Variants in ALOX5AP observed in about 807,000 individuals in gnomAD.
ALOX5AP encodes arachidonate 5-lipoxygenase-activating protein.
In ALOX5AP, 9 loss-of-function variants were observed where a neutral mutation model predicts 18.5. That is an observed-to-expected ratio of 0.49 (90% confidence interval 0.29 to 0.85). ALOX5AP has a LOEUF of 0.85. Among genes scored for constraint, ALOX5AP ranks in the 40% least tolerant of loss-of-function variants. The pLI is 0.08. For missense variants in ALOX5AP, 172 were observed against 202.5 expected, an observed-to-expected ratio of 0.85 and a Z score of 0.91; for synonymous variants, 81 against 78.6, an observed-to-expected ratio of 1.03 and a Z score of -0.16.
At chr13:30,747,981 G>A (rs1213044432) in intron 2 of ALOX5AP, among the ~76,000 whole-genome samples, 2 of 152,010 alleles carry the variant, frequency 1.3e-5, no homozygotes, top group Non-Finnish European at 2.9e-5. Context: ...GTGCAGTGGT[G>A]CAATCTTGGC....
intron 4 of ALOX5AP, among the ~76,000 whole-genome samples, chr13:30,759,294 T>C (rs4769058): frequency 0.078 from 11,933 of 152,234 alleles, 730 homozygotes; most frequent in African/African-American, 0.17. Flanking sequence ...TTGGGGCTCC[T>C]ACTGATCCTC....
At chr13:30,716,616 T>C (rs1951552538) in intron 1 of ALOX5AP, among the ~76,000 whole-genome samples, 1 of 152,234 alleles carries the variant, frequency 6.6e-6, no homozygotes, top group Non-Finnish European at 1.5e-5. Flanking sequence ...CCCCCTGCAA[T>C]GAGCCATCCT....
intron 4 of ALOX5AP, among the ~76,000 whole-genome samples, chr13:30,761,509 T>C (rs1951940930): frequency 6.6e-6 from 1 of 152,232 alleles, no homozygotes; most frequent in South Asian, 2.1e-4. Flanking sequence ...GGCTAAAAAA[T>C]ATCCCTTACT....
chr13:30,725,747 A>G (rs1209047083), intron 1 of ALOX5AP, among the ~76,000 whole-genome samples: 1 of 152,192 alleles, frequency 6.6e-6, no homozygotes, highest in Non-Finnish European at 1.5e-5. Context: ...ATTTGTTATA[A>G]AATTTCAACC....
chr13:30,753,811 T>C (rs1352772197), intron 3 of ALOX5AP, among the ~76,000 whole-genome samples: 1 of 152,194 alleles, frequency 6.6e-6, no homozygotes, highest in South Asian at 2.1e-4. Flanking sequence ...ATAATCTCTG[T>C]TAGCTCATGT....
At chr13:30,742,373 T>C (rs1490472767) in intron 1 of ALOX5AP, 1 of 151,074 alleles carries the variant, frequency 6.6e-6, no homozygotes, top group Non-Finnish European at 1.5e-5. Flanking sequence ...AGCTTCACGG[T>C]GACAGCAAGA....
At chr13:30,750,674 C>T (rs1370700614) in intron 2 of ALOX5AP, among the ~76,000 whole-genome samples, 5 of 152,210 alleles carry the variant, frequency 3.3e-5, no homozygotes, top group Non-Finnish European at 7.3e-5. Context: ...TGCCCACATC[C>T]TAATCCTAGG....
Position 30,764,162 on chromosome 13 carries a change from A to G in ALOX5AP, c.*56A>G. ...ATCTAATCAATACCTACAAGTCATCATAATTCAGCTCTTGAGAGCATTCTG... is the reference window on the plus strand; with the variant it reads ...ATCTAATCAATACCTACAAGTCATCGTAATTCAGCTCTTGAGAGCATTCTG... On this transcript the variant is annotated 3_prime_UTR_variant, in exon 5 of 5. Coordinates refer to ENST00000380490, the MANE Select transcript of ALOX5AP (RefSeq NM_001629.4). 6.5e-7 allele frequency: 1 copy of G among 1,549,214 alleles called. No homozygotes were observed. The highest frequency in any genetic ancestry group is 1.2e-5 in the South Asian group (1 of 83,452).
chr13:30,755,626 A>G (rs1278518687), intron 3 of ALOX5AP, among the ~76,000 whole-genome samples: 2 of 152,234 alleles, frequency 1.3e-5, no homozygotes, highest in Non-Finnish European at 2.9e-5. Flanking sequence ...AGCTAAAGAA[A>G]AAACGTTGCA....
At chr13:30,741,909 T>C (rs1366506999) in intron 1 of ALOX5AP, among the ~76,000 whole-genome samples, 2 of 149,356 alleles carry the variant, frequency 1.3e-5, no homozygotes, top group Admixed American at 6.7e-5. Context: ...ATATAGAAGG[T>C]TGATTATGCG....
chr13:30,742,144 C>A (rs949454062), intron 1 of ALOX5AP, among the ~76,000 whole-genome samples: 3 of 151,920 alleles, frequency 2.0e-5, no homozygotes, highest in Non-Finnish European at 2.9e-5. Context: ...GGTGAAACCC[C>A]AACTCTACTA....
intron 4 of ALOX5AP, among the ~76,000 whole-genome samples, chr13:30,762,742 T>C (rs1242916325): frequency 6.6e-6 from 1 of 152,206 alleles, no homozygotes; most frequent in Non-Finnish European, 1.5e-5. Flanking sequence ...AGTACGAAGT[T>C]AGCTGTTGGG....
intron 1 of ALOX5AP, among the ~76,000 whole-genome samples, chr13:30,729,975 G>A (rs1951668513): frequency 6.6e-6 from 1 of 152,206 alleles, no homozygotes; most frequent in Admixed American, 6.5e-5. Flanking sequence ...TATACTGTGT[G>A]GTGTGAGTTT....
At chr13:30,739,695 A>G (rs1951747651) in intron 1 of ALOX5AP, among the ~76,000 whole-genome samples, 1 of 152,202 alleles carries the variant, frequency 6.6e-6, no homozygotes, top group South Asian at 2.1e-4. Flanking sequence ...TCGACCTCCC[A>G]AAGTGCTGGG....
chr13:30,752,003 C>T (rs750930358), intron 2 of ALOX5AP, 49 bp from the exon 3 acceptor site: 4 of 1,532,226 alleles, frequency 2.6e-6, no homozygotes, highest in Non-Finnish European at 3.6e-6. Flanking sequence ...GACCACATTG[C>T]ACTAACTTGG....
chr13:30,745,329 G>A (rs1002145010), intron 2 of ALOX5AP, among the ~76,000 whole-genome samples: 4 of 152,110 alleles, frequency 2.6e-5, no homozygotes, highest in East Asian at 1.9e-4. Context: ...CTCCGAAATC[G>A]CTGGGCCACT....
At chr13:30,736,103 T>C (rs1951718925) in intron 1 of ALOX5AP, among the ~76,000 whole-genome samples, 1 of 152,268 alleles carries the variant, frequency 6.6e-6, no homozygotes, top group Non-Finnish European at 1.5e-5. Context: ...ACCAGTCATC[T>C]GCAGTCTAAA....
At chr13:30,744,290 G>A in intron 2 of ALOX5AP, 131 bp downstream of exon 2, 1 of 758,326 alleles carries the variant, frequency 1.3e-6, no homozygotes, top group Non-Finnish European at 2.2e-6. Flanking sequence ...AGGTGAGGAA[G>A]GTTGGACTTC....
chr13:30,731,851 A>C (rs1951684029), upstream of ALOX5AP, among the ~76,000 whole-genome samples: 4 of 152,178 alleles, frequency 2.6e-5, no homozygotes, highest in South Asian at 6.2e-4. Context: ...GCTGCTCTGG[A>C]CTGCGGCCAG....
Sources: allele counts gnomAD v4.1 joint callset (sites outside exome capture counted in the v4.1 genomes callset), GRCh38; gene constraint gnomAD v4.1.1; transcripts MANE v1.5; gene names NCBI Gene and HGNC (gene_info 2026-07-23, HGNC 2026-07-21).